NPSR1: variants seen among roughly 807,000 people sequenced by gnomAD.
The protein encoded by NPSR1 is neuropeptide S receptor.
NPSR1 carries 48 observed loss-of-function variants against 46.9 expected under a neutral mutation model. That is an observed-to-expected ratio of 1.02 (90% CI 0.81 to 1.30). The LOEUF (loss-of-function observed/expected upper bound fraction) is 1.30. Ranked by LOEUF, NPSR1 falls within the 50% of genes most tolerant of loss-of-function variation. NPSR1 has a pLI of 0.00. For synonymous variants in NPSR1, 176 were observed against 168.1 expected (o/e 1.05, Z -0.36); for missense variants, 450 against 449.5 (o/e 1.00, Z -0.01).
At chr7:34,750,470 G>T in intron 2 of NPSR1, 1 of 730,208 alleles carries the variant, frequency 1.4e-6, no homozygotes, top group South Asian at 1.4e-5. Context: ...GGCTGCAGAA[G>T]CCAGAGGCTG....
downstream of NPSR1, among the ~76,000 whole-genome samples, chr7:34,854,185 A>G (rs1024057580): frequency 1.3e-5 from 2 of 152,168 alleles, no homozygotes; most frequent in African/African-American, 4.8e-5. Context: ...AGAGTAAAAG[A>G]GAAGGAAAGC....
Position 34,658,450 on chromosome 7 carries a change from G to A in NPSR1, c.38G>A (p.Ser13Asn), listed in dbSNP as rs781670018. Reference sequence around the variant, plus strand: ...TTCACAGAGGGCAGCTTCGATTCCAGTGGGACCGGGCAGACGCTGGATTCT... The same window carrying A: ...TTCACAGAGGGCAGCTTCGATTCCAATGGGACCGGGCAGACGCTGGATTCT... ...ANFTEGSFDS[S>N]GTGQTLDSSP... The change falls in exon 1 of 9, where the codon AGT becomes AAT. Residue 13 changes from serine (S) to asparagine (N), a missense_variant. Physicochemically the swap from Ser to Asn is conservative, Grantham distance 46. Transcript: ENST00000360581. 2 of 1,614,196 alleles carry A rather than the reference G, an allele frequency of 1.2e-6. No homozygotes were observed. The highest frequency in any genetic ancestry group is 2.2e-5 in the South Asian group (2 of 91,084).
chr7:34,856,539 CCTT>C lies in NPSR1; in HGVS notation c.1025+7883_1025+7885del, dbSNP rs535976037. ...TCAATGGGTACAGATGCTTGTAGAGCCTTCTTCTTAGGGGAAAGAGAGATGGGG... is the reference window on the plus strand; with the variant it reads ...TCAATGGGTACAGATGCTTGTAGAGCCTTCTTAGGGGAAAGAGAGATGGGG... On this transcript the variant is annotated intron_variant, in intron 8 of 8. Coordinates refer to the NPSR1 transcript ENST00000359791. Among the ~76,000 whole-genome samples the C allele has an allele frequency of 6.0e-3, 913 of 151,548 alleles. 15 individuals are homozygous for C. Among genetic ancestry groups the C allele is most frequent in the Non-Finnish European group, 4.6e-3 (311 of 67,982 alleles).
At chr7:34,715,452 C>A (rs1184138317) in intron 2 of NPSR1, among the ~76,000 whole-genome samples, 2 of 152,224 alleles carry the variant, frequency 1.3e-5, no homozygotes, top group African/African-American at 2.4e-5. Flanking sequence ...CCTACAGAAC[C>A]TTCTGTCTGG....
intron 2 of NPSR1, 63 bp from the exon 3 acceptor site, chr7:34,778,399 G>A (rs1787074944): frequency 2.0e-6 from 2 of 1,006,746 alleles, no homozygotes; most frequent in East Asian, 2.7e-5. Context: ...TGGCTTAGCT[G>A]CAAATTTGAA....
chr7:34,789,363 G>A (rs1022770970), intron 3 of NPSR1, among the ~76,000 whole-genome samples: 3 of 151,980 alleles, frequency 2.0e-5, no homozygotes, highest in African/African-American at 7.2e-5. Context: ...TTAGTTCTTT[G>A]AAAAGATAAA....
intron 5 of NPSR1, among the ~76,000 whole-genome samples, chr7:34,829,441 G>A (rs1361271791): frequency 3.3e-5 from 5 of 152,232 alleles, no homozygotes; most frequent in Admixed American, 6.5e-5. Flanking sequence ...CGCATGGGAA[G>A]GGGCCCATGG....
downstream of NPSR1, among the ~76,000 whole-genome samples, chr7:34,852,945 A>T (rs1382327925): frequency 2.0e-5 from 3 of 152,246 alleles, no homozygotes; most frequent in East Asian, 3.8e-4. Context: ...TATGAATGGT[A>T]AAAACTTCTC....
intron 2 of NPSR1, among the ~76,000 whole-genome samples, chr7:34,686,308 T>C (rs935725936): frequency 1.3e-5 from 2 of 152,318 alleles, no homozygotes; most frequent in Non-Finnish European, 2.9e-5. Context: ...GCATTTTAAA[T>C]GAAGAATTCC....
At chr7:34,878,013 C>G (rs753304345) in intron 8 of NPSR1, 24 of 936,152 alleles carry the variant, frequency 2.6e-5, no homozygotes, top group Non-Finnish European at 3.8e-5. Context: ...ACATTCCTTC[C>G]TTTTATGCAA....
chr7:34,854,846 C>T (rs192364330), downstream of NPSR1, among the ~76,000 whole-genome samples: 159 of 151,998 alleles, frequency 1.0e-3, 1 homozygote, highest in African/African-American at 3.6e-3. Flanking sequence ...ACATTTTTTT[C>T]AAGCACACAT....
intron 1 of NPSR1, among the ~76,000 whole-genome samples, chr7:34,664,602 T>C (rs571396958): frequency 7.3e-6 from 1 of 136,230 alleles, no homozygotes; most frequent in Admixed American, 6.8e-5. Flanking sequence ...TTAAGCTGTT[T>C]CTTTTCTTTT....
intron 3 of NPSR1, among the ~76,000 whole-genome samples, chr7:34,809,258 T>C (rs1381783639): frequency 6.6e-6 from 1 of 152,062 alleles, no homozygotes; most frequent in Non-Finnish European, 1.5e-5. Context: ...TTAAAGCTAG[T>C]CTTCCATTTT....
chr7:34,761,507 C>T (rs1428522922), intron 2 of NPSR1, among the ~76,000 whole-genome samples: 2 of 152,112 alleles, frequency 1.3e-5, no homozygotes, highest in African/African-American at 2.4e-5. Flanking sequence ...GCCTCATTTC[C>T]CTATGTACAA....
chr7:34,851,385 C>A (rs1197899301), downstream of NPSR1, among the ~76,000 whole-genome samples: 5 of 151,712 alleles, frequency 3.3e-5, no homozygotes, highest in African/African-American at 4.8e-5. Flanking sequence ...AATCAGACTC[C>A]TCACTCACCA....
chr7:34,840,131 C>A (rs1472397304), intron 6 of NPSR1, among the ~76,000 whole-genome samples: 2 of 152,036 alleles, frequency 1.3e-5, no homozygotes, highest in African/African-American at 2.4e-5. Flanking sequence ...TGGCTCTGGG[C>A]TAAAAACCTC....
intron 1 of NPSR1, among the ~76,000 whole-genome samples, chr7:34,666,427 G>A (rs887960242): frequency 6.6e-6 from 1 of 152,148 alleles, no homozygotes; most frequent in Admixed American, 6.5e-5. Context: ...AAGTCTCTGA[G>A]ATTTCTAATA....
intron 8 of NPSR1, 188 bp from the exon 9 acceptor site, chr7:34,849,377 G>T: frequency 6.4e-7 from 1 of 1,552,528 alleles, no homozygotes; most frequent in Non-Finnish European, 8.7e-7. Flanking sequence ...TCTGGGCTCT[G>T]GTGCTGACCA....
intron 5 of NPSR1, among the ~76,000 whole-genome samples, chr7:34,829,169 G>A (rs1302479352): frequency 1.3e-5 from 2 of 152,118 alleles, no homozygotes; most frequent in East Asian, 1.9e-4. Flanking sequence ...TTTTTCATAA[G>A]AGTAGAATTA....
Sources: allele counts gnomAD v4.1 joint callset (sites outside exome capture counted in the v4.1 genomes callset), GRCh38; gene constraint gnomAD v4.1.1; transcripts MANE v1.5; gene names NCBI Gene and HGNC (gene_info 2026-07-23, HGNC 2026-07-21).